The following PCDHGB3 variants were observed in gnomAD, a reference collection of about 807,000 sequenced individuals.
PCDHGB3 encodes the protein protocadherin gamma-B3.
In PCDHGB3, 40 loss-of-function variants were observed where a neutral mutation model predicts 59.2. The observed-to-expected ratio is 0.68, with a 90% CI of 0.52 to 0.88. The LOEUF (loss-of-function observed/expected upper bound fraction) is 0.88. Among genes scored for constraint, PCDHGB3 ranks in the 40% least tolerant of loss-of-function variants. The pLI is 0.00. For missense variants in PCDHGB3, 1,309 were observed against 1,187.9 expected (o/e 1.10, Z -1.50); for synonymous variants, 581 against 503.6 (o/e 1.15, Z -2.06).
chr5:141,447,805 G>T (rs1389870133), intron 1 of PCDHGB3, among the ~76,000 whole-genome samples: 2 of 152,064 alleles, frequency 1.3e-5, no homozygotes, highest in African/African-American at 4.8e-5. Context: ...AATAAAATTG[G>T]CTGGGCGTGG....
At chr5:141,407,707 G>A (rs894295431) in intron 1 of PCDHGB3, among the ~76,000 whole-genome samples, 1 of 151,964 alleles carries the variant, frequency 6.6e-6, no homozygotes, top group African/African-American at 2.4e-5. Flanking sequence ...TTGAAGGTGG[G>A]GTGATGGCTA....
intron 1 of PCDHGB3, among the ~76,000 whole-genome samples, chr5:141,474,763 A>G (rs2099354251): frequency 6.6e-6 from 1 of 152,254 alleles, no homozygotes; most frequent in Non-Finnish European, 1.5e-5. Flanking sequence ...ATATACAGAA[A>G]TAGTATGAGG....
intron 1 of PCDHGB3, chr5:141,422,082 G>A (rs2096622921): frequency 6.2e-7 from 1 of 1,612,284 alleles, no homozygotes; most frequent in East Asian, 2.2e-5. Context: ...TTCGGAACAT[G>A]GAAAGCAAGG....
intron 1 of PCDHGB3, chr5:141,398,744 GTTACCATCGT>G (rs765550213): frequency 1.3e-4 from 209 of 1,613,736 alleles, no homozygotes; most frequent in Non-Finnish European, 1.7e-4. Context: ...GAACAACAGA[GTTACCATCGT>G]TTAGTCCTGA....
At chr5:141,383,861 C>A (rs1284375260) in intron 1 of PCDHGB3, 1 of 1,613,936 alleles carries the variant, frequency 6.2e-7, no homozygotes, top group East Asian at 2.2e-5. Context: ...GAGGTTCAGG[C>A]TCAAGATGGT....
In PCDHGB3 at chr5:141,505,471, G is replaced by A. The variant is rs766596231; in HGVS notation, c.2553G>A (p.Ala851=). The A allele has an allele frequency of 3.4e-5, 55 of 1,614,244 alleles. No individual in the cohort carries two copies. The highest frequency in any genetic ancestry group is 1.1e-4 in the East Asian group (5 of 44,880). ...AGATGCTGCAAGCCATGATCTTGGCGTCCGCCAGTGGTAAGTGGTGTCAGT... is the reference window on the plus strand; with the variant it reads ...AGATGCTGCAAGCCATGATCTTGGCATCCGCCAGTGGTAAGTGGTGTCAGT... ...DTEMLQAMIL[A]SASEAADGSS... Residue 851 remains alanine (A), a synonymous_variant, in exon 3 of 4, where the codon GCG becomes GCA. Coordinates refer to ENST00000576222, the MANE Select transcript of PCDHGB3 (RefSeq NM_018924.5).
Position 141,431,581 on chromosome 5 carries a change from T to A in PCDHGB3, c.2415+58772T>A, listed in dbSNP as rs749863807. Reference sequence around the variant, plus strand: ...CTACCGACCCTGACGAAGGAGTCAATGCGGAAGTGAGGTATTCCTTCCGGT... The same window carrying A: ...CTACCGACCCTGACGAAGGAGTCAAAGCGGAAGTGAGGTATTCCTTCCGGT... On this transcript the variant is annotated intron_variant, in intron 1 of 3. Coordinates refer to ENST00000576222, the MANE Select transcript of PCDHGB3 (RefSeq NM_018924.5). This position sits in a 1 kb window ranked among gnomAD's most constrained non-coding sequence, Gnocchi z 4.8. 3.1e-6 allele frequency: 5 copies of A among 1,614,160 alleles called. No individual in the cohort carries two copies. In the South Asian group the frequency reaches 5.5e-5, roughly 18 times the overall value.
intron 1 of PCDHGB3, among the ~76,000 whole-genome samples, chr5:141,483,010 G>C (rs574078222): frequency 6.6e-6 from 1 of 152,006 alleles, no homozygotes; most frequent in Non-Finnish European, 1.5e-5. Flanking sequence ...GCTTGAACCC[G>C]GGAGGCAGAG....
Position 141,501,335 on chromosome 5 carries a change from C to A in PCDHGB3, c.2475-4058C>A, listed in dbSNP as rs977626682. 1.5e-4 allele frequency among the ~76,000 whole-genome samples: 20 copies of A among 135,718 alleles called. No individual in the cohort carries two copies. In the East Asian group the frequency reaches 2.2e-3, roughly 15 times the overall value. The allele number at this position is 135,718 out of a possible 152,430, so 89.0% of individuals were successfully genotyped here. The stretch of plus-strand genomic sequence containing the variant: ...CACACACACACACACACACACACAC[C>A]CCAAACTCAATAGGGCAAGAACCAT... On this transcript the variant is annotated intron_variant, in intron 2 of 3. Transcript: ENST00000576222.
Position 141,370,596 on chromosome 5 carries a change from G to T in PCDHGB3, c.202G>T (p.Val68Phe). 1 of 1,613,936 alleles carries T rather than the reference G, an allele frequency of 6.2e-7. No individual in the cohort carries two copies. ...GGATTTACCTACTAGGAACCTGCGG[G>T]TTATTGCAGAGAAGAAATTCTTTAC... ...VGDLPTRNLR[V>F]IAEKKFFTVS... The change falls in exon 1 of 4, where the codon GTT becomes TTT. Residue 68 changes from valine (V) to phenylalanine (F), a missense_variant. Transcript: ENST00000576222.
chr5:141,479,860 C>T (rs1374284598), intron 1 of PCDHGB3, among the ~76,000 whole-genome samples: 2 of 152,108 alleles, frequency 1.3e-5, no homozygotes, highest in Admixed American at 6.5e-5. Context: ...AAGGCCTTTG[C>T]CCTGGAGAGA....
In PCDHGB3 at chr5:141,393,848, A is replaced by G. The variant is rs1368797606; in HGVS notation, c.2415+21039A>G. Reference sequence around the variant, plus strand: ...TGGAAGATGTAAATGACAATAGACCAGAAGTGATCATTACGTCTTTGTTTA... The same window carrying G: ...TGGAAGATGTAAATGACAATAGACCGGAAGTGATCATTACGTCTTTGTTTA... On this transcript the variant is annotated intron_variant, in intron 1 of 3. Transcript: ENST00000576222. 2.5e-6 allele frequency: 4 copies of G among 1,614,008 alleles called. No individual in the cohort carries two copies. The South Asian group carries it at 4.4e-5, about 18-fold the overall frequency.
At chr5:141,413,066 A>T in intron 1 of PCDHGB3, 2 of 1,161,944 alleles carry the variant, frequency 1.7e-6, no homozygotes, top group Non-Finnish European at 2.4e-6. Flanking sequence ...TCCAGAATTT[A>T]AAGTGCCCAG....
intron 1 of PCDHGB3, among the ~76,000 whole-genome samples, chr5:141,452,145 C>T (rs1414317332): frequency 6.6e-6 from 1 of 152,020 alleles, no homozygotes; most frequent in Non-Finnish European, 1.5e-5. Flanking sequence ...GTGTTTTTTC[C>T]AATGAGTTAT....
chr5:141,372,562 C>G lies in PCDHGB3; in HGVS notation c.2168C>G (p.Thr723Ser). ...CTGCGATGCTCCTCCAGACCCGCCA[C>G]TGAGGGCTACTTTCAGCCTGGTGTC... is the stretch of plus-strand genomic sequence containing the variant. Reference protein sequence around the residue: ...LRLRCSSRPATEGYFQPGVCF... With the variant: ...LRLRCSSRPASEGYFQPGVCF... The change falls in exon 1 of 4, where the codon ACT (threonine) becomes AGT (serine). Residue 723 changes from threonine to serine, a missense_variant. Physicochemically the swap from Thr to Ser is moderately conservative, Grantham distance 58 (BLOSUM62 1). Transcript: ENST00000576222. 6.2e-7 allele frequency: 1 copy of G among 1,614,054 alleles called. No homozygotes were observed.
chr5:141,405,354 T>G lies in PCDHGB3; in HGVS notation c.2415+32545T>G, dbSNP rs781757006. The G allele has an allele frequency of 3.7e-6, 6 of 1,614,112 alleles. No homozygotes were observed. In the East Asian group the frequency reaches 1.3e-4, roughly 36 times the overall value. On this transcript the variant is annotated intron_variant, in intron 1 of 3. Coordinates refer to ENST00000576222, the MANE Select transcript of PCDHGB3 (RefSeq NM_018924.5). The stretch of plus-strand genomic sequence containing the variant: ...GTCTCTGTTGATTCCAAGTTTCCTA[T>G]AGAAGACACCCCTTTGGTTCCGGTG...
At chr5:141,415,881 T>C (rs1589997447) in intron 1 of PCDHGB3, 1 of 1,003,346 alleles carries the variant, frequency 1.0e-6, no homozygotes, top group Non-Finnish European at 1.3e-6. Context: ...GAGTACAATA[T>C]TGACAATTCC....
chr5:141,420,004 G>C (rs768411058), intron 1 of PCDHGB3: 4 of 1,614,084 alleles, frequency 2.5e-6, no homozygotes, highest in Non-Finnish European at 3.4e-6. Flanking sequence ...CTCTACGCCT[G>C]CGACAGTCTT....
At chr5:141,415,650 A>G in intron 1 of PCDHGB3, 1 of 1,597,054 alleles carries the variant, frequency 6.3e-7, no homozygotes, top group Non-Finnish European at 8.5e-7. Context: ...TTAAAAAAAA[A>G]AAGATTGGTT....
Sources: allele counts gnomAD v4.1 joint callset (sites outside exome capture counted in the v4.1 genomes callset), GRCh38; gene constraint gnomAD v4.1.1; non-coding constraint Gnocchi (gnomAD v3.1); transcripts MANE v1.5; gene names NCBI Gene and HGNC (gene_info 2026-07-23, HGNC 2026-07-21).